Variants in TENM3 observed in about 807,000 individuals in gnomAD.
TENM3 encodes teneurin transmembrane protein 3.
A neutral mutation model predicts 255.1 loss-of-function variants in TENM3; 63 were observed. The observed-to-expected ratio is 0.25, with a 90% CI of 0.20 to 0.30. TENM3 has a LOEUF of 0.30. Among genes scored for constraint, TENM3 ranks in the 10% least tolerant of loss-of-function variants. The pLI is 1.00. For missense variants in TENM3, 2,929 were observed against 3,461.1 expected, an observed-to-expected ratio of 0.85 and a Z score of 3.86; for synonymous variants, 1,306 against 1,322.3, an observed-to-expected ratio of 0.99 and a Z score of 0.27.
chr4:182,743,978 A>G (rs1450070597), intron 19 of TENM3, among the ~76,000 whole-genome samples: 1 of 152,036 alleles, frequency 6.6e-6, no homozygotes, highest in African/African-American at 2.4e-5. Context: ...TAAGCCCTAG[A>G]CTACAGAATT....
chr4:182,721,360 A>T (rs1479817331), intron 13 of TENM3, among the ~76,000 whole-genome samples: 2 of 152,178 alleles, frequency 1.3e-5, no homozygotes, highest in African/African-American at 4.8e-5. Flanking sequence ...TCTAAATTTG[A>T]TTCTTCCAAG....
chr4:182,649,721 G>A (rs1265938450), intron 5 of TENM3, among the ~76,000 whole-genome samples: 1 of 150,378 alleles, frequency 6.6e-6, no homozygotes, highest in Admixed American at 6.7e-5. Context: ...TAGTGGGAAA[G>A]TGCTGCGTAG....
chr4:182,766,994 T>C (rs372405905), intron 22 of TENM3, among the ~76,000 whole-genome samples: 24 of 152,296 alleles, frequency 1.6e-4, no homozygotes, highest in East Asian at 1.4e-3. Context: ...GCATTTTCCC[T>C]GCCATTTTTG....
chr4:182,650,339 T>A (rs1300174137), intron 5 of TENM3, among the ~76,000 whole-genome samples: 1 of 150,274 alleles, frequency 6.7e-6, no homozygotes, highest in Non-Finnish European at 1.5e-5. Context: ...CACCCTACAC[T>A]GGGACATGCC....
At chr4:182,572,845 G>A (rs771361752) in intron 3 of TENM3, among the ~76,000 whole-genome samples, 6 of 152,136 alleles carry the variant, frequency 3.9e-5, no homozygotes, top group Admixed American at 3.9e-4. Context: ...TCTTGTGGGG[G>A]TCAGAAGTGC....
the TENM3 span, among the ~76,000 whole-genome samples, chr4:182,055,061 G>A: frequency 1.9e-4 from 29 of 152,258 alleles, no homozygotes; most frequent in African/African-American, 6.7e-4. Flanking sequence ...CTCTATGGAT[G>A]CTCAACCAGG....
chr4:182,768,284 A>G (rs569111994), intron 22 of TENM3, among the ~76,000 whole-genome samples: 67 of 152,358 alleles, frequency 4.4e-4, no homozygotes, highest in Non-Finnish European at 8.5e-4. Flanking sequence ...ACCAAAGACG[A>G]TAAATACTCC....
chr4:182,089,775 A>C, the TENM3 span, among the ~76,000 whole-genome samples: 1 of 152,230 alleles, frequency 6.6e-6, no homozygotes, highest in African/African-American at 2.4e-5. Flanking sequence ...TATTAATTGC[A>C]TATGAGATTC....
At chr4:182,122,555 A>AT in the TENM3 span, among the ~76,000 whole-genome samples, 1 of 152,222 alleles carries the variant, frequency 6.6e-6, no homozygotes, top group South Asian at 2.1e-4. Context: ...GAAAGGCATC[A>AT]TTTTTTTCTG....
intron 1 of TENM3, among the ~76,000 whole-genome samples, chr4:182,299,097 C>T (rs1200049270): frequency 6.8e-6 from 1 of 146,260 alleles, no homozygotes; most frequent in Non-Finnish European, 1.5e-5. Context: ...AAACCACTGG[C>T]TGGGGCTTAC....
intron 4 of TENM3, among the ~76,000 whole-genome samples, chr4:182,615,046 C>CATATATATAT (rs10570169): frequency 3.6e-5 from 4 of 112,056 alleles, no homozygotes; most frequent in African/African-American, 6.2e-5. Context: ...AAAAAAAATA[C>CATATATATAT]ATATATATAT....
At chr4:182,528,104 A>G (rs2151824754) in intron 3 of TENM3, among the ~76,000 whole-genome samples, 1 of 152,234 alleles carries the variant, frequency 6.6e-6, no homozygotes. Context: ...TTGAAAACTT[A>G]GCAAGATTTT....
chr4:181,872,866 C>A, the TENM3 span, among the ~76,000 whole-genome samples: 2 of 152,118 alleles, frequency 1.3e-5, no homozygotes, highest in African/African-American at 4.8e-5. Context: ...CAGCTGTCAT[C>A]ACCTGGCCTT....
At chr4:182,383,079 C>T (rs1238232579) in intron 3 of TENM3, among the ~76,000 whole-genome samples, 1 of 152,164 alleles carries the variant, frequency 6.6e-6, no homozygotes, top group Admixed American at 6.5e-5. Context: ...ACATCAGGCT[C>T]AACCTCAATT....
rs374268554 is a variant in TENM3, at chr4:182,557,599, T to G, written c.512-43325T>G. Among the ~76,000 whole-genome samples the G allele has an allele frequency of 3.9e-5, 6 of 152,208 alleles. 1 individual carries two copies. The highest frequency in any genetic ancestry group is 1.9e-4 in the East Asian group (1 of 5,192). Reference sequence around the variant, plus strand: ...TTGATGAATTTGGCCCTTGCTCTGTTGATTGAATCTACATATAGTCTCTAG... The same window carrying G: ...TTGATGAATTTGGCCCTTGCTCTGTGGATTGAATCTACATATAGTCTCTAG... On this transcript the variant is annotated intron_variant, in intron 3 of 27. Transcript: ENST00000511685.
chr4:182,238,567 G>A (rs1757033805), upstream of TENM3, among the ~76,000 whole-genome samples: 1 of 152,132 alleles, frequency 6.6e-6, no homozygotes, highest in African/African-American at 2.4e-5. Flanking sequence ...TTAGGGCAGA[G>A]CCTTTTTGTT....
the TENM3 span, among the ~76,000 whole-genome samples, chr4:182,081,583 C>CAA: frequency 0.05 from 4,306 of 86,918 alleles, 195 homozygotes; most frequent in African/African-American, 0.067. Context: ...GGCTCTGCCT[C>CAA]AAAAAAAAAA....
intron 13 of TENM3, 119 bp downstream of exon 13, chr4:182,714,352 C>A: frequency 4.9e-6 from 4 of 809,844 alleles, no homozygotes; most frequent in Non-Finnish European, 7.3e-6. Context: ...TGATCCCCAT[C>A]GATTAGATTG....
At chr4:181,878,953 C>T in the TENM3 span, among the ~76,000 whole-genome samples, 1 of 152,264 alleles carries the variant, frequency 6.6e-6, no homozygotes, top group African/African-American at 2.4e-5. Flanking sequence ...TTCTTGGCAG[C>T]TGCATTTCTC....
Sources: allele counts gnomAD v4.1 joint callset (sites outside exome capture counted in the v4.1 genomes callset), GRCh38; gene constraint gnomAD v4.1.1; transcripts MANE v1.5; gene names NCBI Gene and HGNC (gene_info 2026-07-23, HGNC 2026-07-21).